The following PDGFD variants were observed in gnomAD, a reference collection of about 807,000 sequenced individuals.
PDGFD encodes the protein platelet derived growth factor D, also known as platelet-derived growth factor D.
PDGFD carries 30 observed loss-of-function variants against 44.7 expected under a neutral mutation model. The ratio of observed to expected loss-of-function variants is 0.67; its 90% CI spans 0.50 to 0.91. The LOEUF (loss-of-function observed/expected upper bound fraction) is 0.91, where lower values mean the gene tolerates loss of function less well. PDGFD is among the 40% of genes least tolerant of loss of function. The probability of loss-of-function intolerance (pLI) is 0.00; values close to 1 mark genes in which losing one functional copy is unlikely to be tolerated. For missense variants in PDGFD, 445 were observed against 457.8 expected (o/e 0.97, Z 0.25); for synonymous variants, 173 against 168.4 (o/e 1.03, Z -0.21).
intron 1 of PDGFD, among the ~76,000 whole-genome samples, chr11:104,005,033 C>G (rs1282925067): frequency 6.6e-6 from 1 of 152,020 alleles, no homozygotes; most frequent in Admixed American, 6.6e-5. Flanking sequence ...CACGCACCAC[C>G]ATGCCCAGCT....
intron 1 of PDGFD, among the ~76,000 whole-genome samples, chr11:104,143,721 G>A (rs564477605): frequency 1.3e-4 from 20 of 152,348 alleles, no homozygotes; most frequent in African/African-American, 4.8e-4. Context: ...AGCTGCCAAA[G>A]TGCCTGGCAT....
chr11:104,131,044 A>G (rs1861912299), intron 1 of PDGFD, among the ~76,000 whole-genome samples: 1 of 152,178 alleles, frequency 6.6e-6, no homozygotes, highest in Non-Finnish European at 1.5e-5. Context: ...ATCATATGTC[A>G]CCTTGTACAA....
intron 1 of PDGFD, among the ~76,000 whole-genome samples, chr11:104,015,497 A>T (rs1252513701): frequency 1.3e-5 from 2 of 152,230 alleles, no homozygotes; most frequent in Non-Finnish European, 2.9e-5. Context: ...TAAACACAGC[A>T]TTACCTTTGC....
At chr11:103,992,432 T>A (rs182946747) in intron 3 of PDGFD, among the ~76,000 whole-genome samples, 12 of 152,350 alleles carry the variant, frequency 7.9e-5, no homozygotes, top group Admixed American at 2.6e-4. Flanking sequence ...ATACATCCTA[T>A]GCATTGTGCT....
chr11:103,961,782 T>G (rs1326767275), intron 3 of PDGFD, among the ~76,000 whole-genome samples: 1 of 152,150 alleles, frequency 6.6e-6, no homozygotes, highest in East Asian at 1.9e-4. Flanking sequence ...CACAGAGCTG[T>G]CATCCTGATC....
chr11:103,996,786 G>A (rs1176344386), intron 2 of PDGFD, among the ~76,000 whole-genome samples: 1 of 152,136 alleles, frequency 6.6e-6, no homozygotes, highest in Non-Finnish European at 1.5e-5. Flanking sequence ...CGATCTTTTG[G>A]AATGATCACG....
intron 1 of PDGFD, among the ~76,000 whole-genome samples, chr11:104,116,621 T>C (rs1196020181): frequency 6.6e-6 from 1 of 152,016 alleles, no homozygotes; most frequent in Non-Finnish European, 1.5e-5. Flanking sequence ...TGAACATAGA[T>C]GCAAAAATCC....
intron 1 of PDGFD, among the ~76,000 whole-genome samples, chr11:104,082,075 T>C (rs1438695326): frequency 1.3e-5 from 2 of 148,994 alleles, no homozygotes; most frequent in Admixed American, 6.8e-5. Context: ...TTCTTCCCAG[T>C]TGCTTGTCAA....
rs376952235 is a variant in PDGFD at position 104,041,651 on chromosome 11, T to C, written c.125-41396A>G. ...AATAACCATCTTACCTACAAGAAAATCACTAGTGTGATAGCCATGTATTTC... is the reference window on the plus strand; with the variant it reads ...AATAACCATCTTACCTACAAGAAAACCACTAGTGTGATAGCCATGTATTTC... On this transcript the variant is annotated intron_variant, in intron 1 of 6. Transcript: ENST00000393158. Among the ~76,000 whole-genome samples, 15 of 152,184 alleles carry C rather than the reference T, an allele frequency of 9.9e-5. No homozygotes were observed. In the East Asian group the frequency reaches 2.9e-3, roughly 29 times the overall value.
At chr11:104,070,890 A>G in intron 1 of PDGFD, among the ~76,000 whole-genome samples, 1 of 152,146 alleles carries the variant, frequency 6.6e-6, no homozygotes, top group Admixed American at 6.5e-5. Flanking sequence ...TTGGAGTTGC[A>G]TGTTCAGAAT....
intron 1 of PDGFD, among the ~76,000 whole-genome samples, chr11:104,003,709 G>C (rs543460719): frequency 6.6e-6 from 1 of 152,304 alleles, no homozygotes; most frequent in South Asian, 2.1e-4. Context: ...AACTTAGCAG[G>C]CTTTGGGGTT....
intron 1 of PDGFD, among the ~76,000 whole-genome samples, chr11:104,140,854 T>C (rs1384854238): frequency 6.6e-6 from 1 of 152,264 alleles, no homozygotes; most frequent in Non-Finnish European, 1.5e-5. Context: ...TTATCAATTT[T>C]ACTGCTGAAA....
At chr11:104,139,068 A>G (rs956643461) in intron 1 of PDGFD, among the ~76,000 whole-genome samples, 1 of 152,166 alleles carries the variant, frequency 6.6e-6, no homozygotes, top group Non-Finnish European at 1.5e-5. Flanking sequence ...GGCTGGGTAC[A>G]GTAAATATTA....
intron 6 of PDGFD, among the ~76,000 whole-genome samples, chr11:103,915,639 A>G (rs1401012995): frequency 6.6e-6 from 1 of 152,208 alleles, no homozygotes; most frequent in Non-Finnish European, 1.5e-5. Context: ...AGCCAAGACA[A>G]TCTTAAGCAA....
intron 6 of PDGFD, among the ~76,000 whole-genome samples, chr11:103,924,747 A>C (rs1399962800): frequency 6.6e-6 from 1 of 152,204 alleles, no homozygotes; most frequent in African/African-American, 2.4e-5. Context: ...CCTCCAAAAA[A>C]CAGTTTTACA....
At chr11:104,138,713 T>A (rs186345306) in intron 1 of PDGFD, among the ~76,000 whole-genome samples, 271 of 152,308 alleles carry the variant, frequency 1.8e-3, no homozygotes, top group African/African-American at 6.1e-3. Context: ...ATATATCAAC[T>A]CCAAATAAAA....
In PDGFD at chr11:104,047,550, T is replaced by G. The variant is rs1397578773; in HGVS notation, c.125-47295A>C. Among the ~76,000 whole-genome samples the G allele has an allele frequency of 7.5e-5, 11 of 147,570 alleles. 2 individuals are homozygous for G. Among genetic ancestry groups the G allele is most frequent in the Non-Finnish European group, 1.2e-4 (8 of 66,086 alleles). ...CATAAACACCTTCTTTTAATAAGCG[T>G]CTGTTCATATCCTTTGCCCACTTTT... On this transcript the variant is annotated intron_variant, in intron 1 of 6. Coordinates refer to ENST00000393158, the MANE Select transcript of PDGFD (RefSeq NM_025208.5).
chr11:103,960,010 C>A (rs1009117459), intron 3 of PDGFD, among the ~76,000 whole-genome samples: 2 of 152,180 alleles, frequency 1.3e-5, no homozygotes, highest in African/African-American at 4.8e-5. Context: ...CCAGTTATTA[C>A]ACTAGCAATA....
chr11:103,989,394 C>T (rs534465118), intron 3 of PDGFD, among the ~76,000 whole-genome samples: 28 of 152,296 alleles, frequency 1.8e-4, no homozygotes, highest in Admixed American at 6.5e-4. Flanking sequence ...ATTTTCTCTG[C>T]GGCCTAGGCT....
Sources: gnomAD v4.1 joint callset for allele counts (sites outside exome capture counted in the v4.1 genomes callset) on GRCh38, gnomAD v4.1.1 for gene constraint, MANE v1.5 for transcripts, NCBI Gene and HGNC (gene_info 2026-07-23, HGNC 2026-07-21) for gene names.